The following OXR1 variants were observed in gnomAD, a reference collection of about 807,000 sequenced individuals.
OXR1 encodes the protein oxidation resistance 1, also known as oxidation resistance protein 1.
Under a neutral mutation model 104.6 loss-of-function variants are expected in OXR1, and 41 were observed. That is an observed-to-expected ratio of 0.39 (90% CI 0.31 to 0.51). The LOEUF is 0.51. Ranked by LOEUF, OXR1 falls within the 20% of genes least tolerant of loss-of-function variation. OXR1 has a pLI of 0.77. For synonymous variants in OXR1, 348 were observed against 348.4 expected (o/e 1.00, Z 0.01); for missense variants, 955 against 1,031.9 (o/e 0.93, Z 1.02).
At chr8:106,429,043 T>G (rs1327553916) in intron 2 of OXR1, among the ~76,000 whole-genome samples, 1 of 152,058 alleles carries the variant, frequency 6.6e-6, no homozygotes, top group East Asian at 1.9e-4. Context: ...ATCTAAAACC[T>G]CAACTGCTAT....
At chr8:106,430,401 A>C (rs76871921) in intron 2 of OXR1, among the ~76,000 whole-genome samples, 1,616 of 152,260 alleles carry the variant, frequency 0.011, 27 homozygotes, top group African/African-American at 0.037. Flanking sequence ...AATATTTATT[A>C]ATATGTTCAA....
Position 106,487,516 on chromosome 8 carries a change from G to C in OXR1, c.24-31427G>C, listed in dbSNP as rs186006066. On this transcript the variant is annotated intron_variant, in intron 2 of 16. Coordinates refer to ENST00000517566, the MANE Select transcript of OXR1 (RefSeq NM_001198533.2). ...TATACATGTGCCATGCTGGTGCGCT[G>C]CACCCACTAACTCGTCATCTAGCAT... 2.0e-5 allele frequency among the ~76,000 whole-genome samples: 3 copies of C among 151,672 alleles called. No homozygotes were observed. In the East Asian group the frequency reaches 5.8e-4, roughly 29 times the overall value.
intron 4 of OXR1, among the ~76,000 whole-genome samples, 165 bp from the exon 5 acceptor site, chr8:106,683,034 T>C (rs369478325): frequency 4.9e-4 from 74 of 152,198 alleles, no homozygotes; most frequent in African/African-American, 1.7e-3. Flanking sequence ...ATTAAGAGCA[T>C]TTGCTAACAA....
intron 3 of OXR1, among the ~76,000 whole-genome samples, chr8:106,619,480 G>T (rs1821515117): frequency 6.6e-6 from 1 of 152,088 alleles, no homozygotes; most frequent in African/African-American, 2.4e-5. Flanking sequence ...AAATGTTTAG[G>T]TGATTGGTTT....
intron 2 of OXR1, among the ~76,000 whole-genome samples, chr8:106,469,279 A>T (rs1185322572): frequency 6.6e-6 from 1 of 151,636 alleles, no homozygotes; most frequent in Non-Finnish European, 1.5e-5. Context: ...GCTCCACTTT[A>T]CGTAATTTCC....
At chr8:106,282,129 C>A (rs1229669072) in intron 1 of OXR1, among the ~76,000 whole-genome samples, 1 of 152,062 alleles carries the variant, frequency 6.6e-6, no homozygotes, top group Admixed American at 6.6e-5. Flanking sequence ...TGGTTTTAAC[C>A]TGTAGCTCAC....
intron 1 of OXR1, among the ~76,000 whole-genome samples, chr8:106,285,958 C>T (rs1022500620): frequency 6.6e-6 from 1 of 151,746 alleles, no homozygotes; most frequent in Non-Finnish European, 1.5e-5. Flanking sequence ...GTGGACTGCC[C>T]TCGCCCCGTA....
At chr8:106,649,245 C>T (rs1172747158) in intron 3 of OXR1, among the ~76,000 whole-genome samples, 2 of 151,610 alleles carry the variant, frequency 1.3e-5, no homozygotes, top group Non-Finnish European at 1.5e-5. Context: ...ATTGTGGACA[C>T]AATATGTTCC....
chr8:106,540,724 C>G (rs1814888823), intron 3 of OXR1, among the ~76,000 whole-genome samples: 1 of 152,172 alleles, frequency 6.6e-6, no homozygotes, highest in South Asian at 2.1e-4. Flanking sequence ...GCCTCACAAT[C>G]ATGGTGGAAG....
At chr8:106,564,571 C>A (rs1439993000) in intron 3 of OXR1, among the ~76,000 whole-genome samples, 2 of 152,114 alleles carry the variant, frequency 1.3e-5, no homozygotes, top group East Asian at 1.9e-4. Context: ...GGAGCTGGTA[C>A]CATTCCTTCT....
chr8:106,347,433 A>G (rs1815542318), intron 1 of OXR1, among the ~76,000 whole-genome samples: 1 of 152,218 alleles, frequency 6.6e-6, no homozygotes, highest in African/African-American at 2.4e-5. Flanking sequence ...TTGTTTGAGT[A>G]TGAGTCAAAC....
intron 16 of OXR1, among the ~76,000 whole-genome samples, chr8:106,749,569 A>G (rs1391301049): frequency 6.6e-6 from 1 of 152,154 alleles, no homozygotes; most frequent in Admixed American, 6.5e-5. Context: ...TAAGTTTGAC[A>G]TAAGTTGTGG....
At position 106,323,112 on chromosome 8, in the gene OXR1, A is replaced by G. The variant is rs550295448; in HGVS notation, c.-138-36364A>G. ...ATCCTAAGCAAAAGAACAAAGCTGGAGGCATCTTTACCAGACTTCAGACTA... is the reference window on the plus strand; with the variant it reads ...ATCCTAAGCAAAAGAACAAAGCTGGGGGCATCTTTACCAGACTTCAGACTA... On this transcript the variant is annotated intron_variant, in intron 1 of 16. Transcript: ENST00000517566. 3.9e-5 allele frequency among the ~76,000 whole-genome samples: 6 copies of G among 152,334 alleles called. No homozygotes were observed. The South Asian group carries it at 1.2e-3, about 32-fold the overall frequency.
chr8:106,472,987 A>C (rs1821600160), intron 2 of OXR1, among the ~76,000 whole-genome samples: 1 of 151,830 alleles, frequency 6.6e-6, no homozygotes, highest in Non-Finnish European at 1.5e-5. Flanking sequence ...TTTCCCCAGC[A>C]TTACCCAAAT....
At chr8:106,525,825 T>C (rs1437435528) in intron 3 of OXR1, among the ~76,000 whole-genome samples, 1 of 152,226 alleles carries the variant, frequency 6.6e-6, no homozygotes, top group Non-Finnish European at 1.5e-5. Flanking sequence ...CTCTCCCTTT[T>C]ATCCTATCTA....
intron 2 of OXR1, among the ~76,000 whole-genome samples, chr8:106,454,151 A>G (rs1041623569): frequency 2.0e-5 from 3 of 152,074 alleles, no homozygotes; most frequent in African/African-American, 7.3e-5. Flanking sequence ...AATCATTGAG[A>G]TTTGTGTTTT....
chr8:106,602,991 T>G (rs563413867), intron 3 of OXR1, among the ~76,000 whole-genome samples: 26 of 152,310 alleles, frequency 1.7e-4, no homozygotes, highest in African/African-American at 6.3e-4. Flanking sequence ...CATAATGGTA[T>G]ATAAGAAAGC....
intron 3 of OXR1, among the ~76,000 whole-genome samples, chr8:106,637,140 T>C (rs149489775): frequency 6.6e-6 from 1 of 152,318 alleles, no homozygotes; most frequent in East Asian, 1.9e-4. Flanking sequence ...AATATTATCA[T>C]CCTTGGCTAG....
At chr8:106,555,348 C>T (rs1382202747) in intron 3 of OXR1, among the ~76,000 whole-genome samples, 2 of 152,100 alleles carry the variant, frequency 1.3e-5, no homozygotes, top group Non-Finnish European at 1.5e-5. Flanking sequence ...GAGGCTCCCA[C>T]TAAAAATCTA....
Sources: allele counts gnomAD v4.1 joint callset (sites outside exome capture counted in the v4.1 genomes callset), GRCh38; gene constraint gnomAD v4.1.1; transcripts MANE v1.5; gene names NCBI Gene and HGNC (gene_info 2026-07-23, HGNC 2026-07-21).